The following PHF13 variants were observed in gnomAD, a reference collection of about 807,000 sequenced individuals.
The protein encoded by PHF13 is PHD zinc finger protein PHF5.
Under a neutral mutation model 25.8 loss-of-function variants are expected in PHF13, and 1 was observed. That is an observed-to-expected ratio of 0.04 (90% CI 0.01 to 0.18). PHF13 has a LOEUF of 0.18. PHF13 is among the 10% of genes least tolerant of loss of function. PHF13 has a pLI of 1.00. For synonymous variants in PHF13, 195 were observed against 162.4 expected (o/e 1.20, Z -1.53); for missense variants, 306 against 403.2 (o/e 0.76, Z 2.06).
Position 6,621,275 on chromosome 1 carries a change from C to A in PHF13, c.677-136C>A. On this transcript the variant is annotated intron_variant, in intron 3 of 3. Coordinates refer to ENST00000377648, the MANE Select transcript of PHF13 (RefSeq NM_153812.3). This position sits in a 1 kb window ranked among gnomAD's most constrained non-coding sequence, Gnocchi z 4.8. The stretch of plus-strand genomic sequence containing the variant: ...CATTTTGGAGCCCCTCGTGCCTTTT[C>A]AGAGAGAAGTGTCAGCTTCGAGTGG... The A allele has an allele frequency of 1.1e-6, 1 of 904,988 alleles. No individual in the cohort carries two copies. The highest frequency in any genetic ancestry group is 1.7e-6 in the Non-Finnish European group (1 of 581,862). 56.1% of individuals were successfully genotyped at this position (904,988 alleles called of 1,614,324 possible).
At position 6,622,305 on chromosome 1, in the gene PHF13, G is replaced by A. The variant is rs145135129; in HGVS notation, c.*668G>A. The A allele has an allele frequency of 6.4e-6, 1 of 156,038 alleles. No homozygotes were observed. Among genetic ancestry groups the A allele is most frequent in the African/African-American group, 2.4e-5 (1 of 41,598 alleles). 9.7% of individuals were successfully genotyped at this position (156,038 alleles called of 1,614,324 possible). ...CCACTTCTCTGTGGAAAGGGAGTTG[G>A]TTGGGGGGTTGAGATGGCCCGTGTT... On this transcript the variant is annotated 3_prime_UTR_variant, in exon 4 of 4. Transcript: ENST00000377648.
intron 1 of PHF13, among the ~76,000 whole-genome samples, chr1:6,615,566 C>T (rs1403020056): frequency 1.3e-5 from 2 of 152,200 alleles, no homozygotes; most frequent in Non-Finnish European, 2.9e-5. Flanking sequence ...TCCCCACCGG[C>T]TCTCCCCCAG....
In PHF13 at chr1:6,621,436, C is replaced by T; in HGVS notation, c.702C>T (p.Thr234=). 1 of 1,614,098 alleles carries T rather than the reference C, an allele frequency of 6.2e-7. No individual in the cohort carries two copies. The highest frequency in any genetic ancestry group is 8.5e-7 in the Non-Finnish European group (1 of 1,180,020). Residue 234 remains threonine, a synonymous_variant, in exon 4 of 4, where the codon ACC becomes ACT. Transcript: ENST00000377648. The surrounding 1 kb of genome is among the most constrained non-coding windows in gnomAD (Gnocchi z 4.8). ...ATGACGATTCCTGGGACCTCGTGAC[C>T]TGCTTCTGCATGAAGCCATTTGCCG... ...DSDDDSWDLV[T]CFCMKPFAGR... is the part of the protein sequence containing the mutation.
At chr1:6,619,688 C>G in intron 2 of PHF13, 115 bp from the exon 3 acceptor site, 2 of 1,105,900 alleles carry the variant, frequency 1.8e-6, no homozygotes, top group Non-Finnish European at 2.6e-6. Flanking sequence ...GGCAGAGAAG[C>G]TCAAAGTTGT....
In PHF13 at chr1:6,614,121, C is replaced by T. The variant is rs763440505; in HGVS notation, c.39+16C>T. 41 of 1,596,286 alleles carry T rather than the reference C, an allele frequency of 2.6e-5. No homozygotes were observed. Among genetic ancestry groups the T allele is most frequent in the Non-Finnish European group, 3.5e-5 (41 of 1,173,070 alleles). On this transcript the variant is annotated intron_variant, in intron 1 of 3. Transcript: ENST00000377648. ...CCACCCGGAGGTGAGTGAAGCTGTG[C>T]GTCCGAATCGCCCCCGACCACCCCC...
rs1290732227 is a variant in PHF13 at position 6,613,770 on chromosome 1, T to G, written c.-297T>G. 4 of 182,260 alleles carry G rather than the reference T, an allele frequency of 2.2e-5. No homozygotes were observed. Among genetic ancestry groups the G allele is most frequent in the Non-Finnish European group, 3.3e-5 (3 of 91,432 alleles). 11.3% of individuals were successfully genotyped at this position (182,260 alleles called of 1,614,324 possible). A position where few individuals can be genotyped will look rare whatever the true frequency, so the allele number is the denominator to read the frequency against. On this transcript the variant is annotated 5_prime_UTR_variant, in exon 1 of 4. Transcript: ENST00000377648. Reference sequence around the variant, plus strand: ...GACACGAGCCGAACTGGGCGTCAGGTCGGGGAGCCGGTCGGGTTCCCGCTC... The same window carrying G: ...GACACGAGCCGAACTGGGCGTCAGGGCGGGGAGCCGGTCGGGTTCCCGCTC...
chr1:6,614,391 G>A (rs1209338318), intron 1 of PHF13: 1 of 403,506 alleles, frequency 2.5e-6, no homozygotes, highest in Non-Finnish European at 4.5e-6. Context: ...CCCCTCTCCG[G>A]CCTCGCGTCG....
chr1:6,619,415 CTG>C (rs1424608558), intron 2 of PHF13, among the ~76,000 whole-genome samples: 1 of 152,062 alleles, frequency 6.6e-6, no homozygotes, highest in African/African-American at 2.4e-5. Context: ...CAGTGGCTCA[CTG>C]CAACATTTGC....
chr1:6,614,153 A>G lies in PHF13; in HGVS notation c.39+48A>G, dbSNP rs761357786. ...ATCGCCCCCGACCACCCCCTCCGCG[A>G]TCCTGCCGTCCTCAGGCAGCCAGAC... On this transcript the variant is annotated intron_variant, in intron 1 of 3. Coordinates refer to ENST00000377648, the MANE Select transcript of PHF13 (RefSeq NM_153812.3). 6 of 1,466,772 alleles carry G rather than the reference A, an allele frequency of 4.1e-6. No individual in the cohort carries two copies. The East Asian group carries it at 9.5e-5, about 23-fold the overall frequency. 90.9% of individuals were successfully genotyped at this position (1,466,772 alleles called of 1,614,324 possible).
rs1250273596 is a variant in PHF13 at position 6,621,241 on chromosome 1, G to C, written c.677-170G>C. The stretch of plus-strand genomic sequence containing the variant: ...GTAAGCATCTCCTGGGTAATACCTG[G>C]TTCCCACACATTTTGGAGCCCCTCG... On this transcript the variant is annotated intron_variant, in intron 3 of 3. Transcript: ENST00000377648. The surrounding 1 kb of genome is among the most constrained non-coding windows in gnomAD (Gnocchi z 4.8). Among the ~76,000 whole-genome samples, 1 of 151,926 alleles carries C rather than the reference G, an allele frequency of 6.6e-6. No homozygotes were observed. The highest frequency in any genetic ancestry group is 1.5e-5 in the Non-Finnish European group (1 of 67,980).
In PHF13 at chr1:6,623,897, A is replaced by T. The variant is rs1428377995; in HGVS notation, c.*2260A>T. On this transcript the variant is annotated 3_prime_UTR_variant, in exon 4 of 4. Transcript: ENST00000377648. ...AGGCCAGACACTTCACATCGTTTAC[A>T]TGGTTCTGTGTAATTTTAAAGTTTA... 8 of 152,656 alleles carry T rather than the reference A, an allele frequency of 5.2e-5. No individual in the cohort carries two copies. 9.5% of individuals were successfully genotyped at this position (152,656 alleles called of 1,614,324 possible). A position where few individuals can be genotyped will look rare whatever the true frequency, so the allele number is the denominator to read the frequency against.
chr1:6,615,907 G>C (rs1641254082), intron 1 of PHF13, among the ~76,000 whole-genome samples: 1 of 152,120 alleles, frequency 6.6e-6, no homozygotes, highest in South Asian at 2.1e-4. Context: ...GGCTGGGACA[G>C]TGGAGGGGAC....
intron 2 of PHF13, among the ~76,000 whole-genome samples, chr1:6,618,100 C>T (rs538290352): frequency 1.3e-5 from 2 of 152,048 alleles, no homozygotes; most frequent in South Asian, 2.1e-4. Flanking sequence ...AGACTTCAGG[C>T]CTCTTTCGTA....
rs1368532776 is a variant in PHF13 at position 6,614,779 on chromosome 1, G to T, written c.39+674G>T. On this transcript the variant is annotated intron_variant, in intron 1 of 3. Transcript: ENST00000377648. The stretch of plus-strand genomic sequence containing the variant: ...CCCGCCCGCGGGCTTTGCTGGCTCC[G>T]CCCCGGCTCACTCCCCCTCCTTCCG... Among the ~76,000 whole-genome samples the T allele has an allele frequency of 2.0e-5, 3 of 146,420 alleles. No homozygotes were observed. The East Asian group carries it at 6.2e-4, about 30-fold the overall frequency.
intron 2 of PHF13, 85 bp downstream of exon 2, chr1:6,616,943 C>A: frequency 8.7e-7 from 1 of 1,150,934 alleles, no homozygotes; most frequent in Non-Finnish European, 1.3e-6. Context: ...TCTGACTGGT[C>A]AGAGGGTCAG....
In PHF13 at chr1:6,613,990, CCCCCAGCCCCGGGCGG is replaced by C; in HGVS notation, c.-72_-57del. On this transcript the variant is annotated 5_prime_UTR_variant, in exon 1 of 4. Transcript: ENST00000377648. ...CCCTCGCCCTGCGCAGCCGCCCGAG[CCCCCAGCCCCGGGCGG>C]CCCCGCTCCAGCATCCCAGCTCCTG... 3 of 1,078,216 alleles carry C rather than the reference CCCCCAGCCCCGGGCGG, an allele frequency of 2.8e-6. No individual in the cohort carries two copies. The highest frequency in any genetic ancestry group is 4.1e-6 in the Non-Finnish European group (3 of 737,050). 66.8% of individuals were successfully genotyped at this position (1,078,216 alleles called of 1,614,324 possible). A position where few individuals can be genotyped will look rare whatever the true frequency, so the allele number is the denominator to read the frequency against.
rs1337020811 is a variant in PHF13 at position 6,621,722 on chromosome 1, C to G, written c.*85C>G. The G allele has an allele frequency of 2.2e-6, 3 of 1,368,302 alleles. No homozygotes were observed. Among genetic ancestry groups the G allele is most frequent in the Non-Finnish European group, 3.1e-6 (3 of 977,218 alleles). 84.8% of individuals were successfully genotyped at this position (1,368,302 alleles called of 1,614,324 possible). A position where few individuals can be genotyped will look rare whatever the true frequency, so the allele number is the denominator to read the frequency against. On this transcript the variant is annotated 3_prime_UTR_variant, in exon 4 of 4. Coordinates refer to ENST00000377648, the MANE Select transcript of PHF13 (RefSeq NM_153812.3). The surrounding 1 kb of genome is among the most constrained non-coding windows in gnomAD (Gnocchi z 4.8). ...CCTTCTCTTAGTTGAGCACAGAACC[C>G]TCAGCTCTGGTGCGGGCAGATCCCT... is the stretch of plus-strand genomic sequence containing the variant.
intron 2 of PHF13, among the ~76,000 whole-genome samples, chr1:6,617,305 C>T (rs1004058486): frequency 5.3e-5 from 8 of 152,242 alleles, no homozygotes; most frequent in East Asian, 3.9e-4. Flanking sequence ...AGACTGGTCT[C>T]GAACTCCTGA....
intron 1 of PHF13, among the ~76,000 whole-genome samples, 182 bp from the exon 2 acceptor site, chr1:6,616,575 C>A (rs1372178593): frequency 1.3e-5 from 2 of 152,226 alleles, no homozygotes; most frequent in African/African-American, 2.4e-5. Context: ...CCTCTTTCTG[C>A]TCTCTGAAAA....
Sources: gnomAD v4.1 joint callset for allele counts (sites outside exome capture counted in the v4.1 genomes callset) on GRCh38, gnomAD v4.1.1 for gene constraint, Gnocchi (gnomAD v3.1) non-coding constraint, MANE v1.5 for transcripts, NCBI Gene and HGNC (gene_info 2026-07-23, HGNC 2026-07-21) for gene names.